Variants in FAM13A observed in about 807,000 individuals in gnomAD.
The protein encoded by FAM13A is family with sequence similarity 13 member A.
A neutral mutation model predicts 129.6 loss-of-function variants in FAM13A; 76 were observed. The ratio of observed to expected loss-of-function variants is 0.59; its 90% CI spans 0.49 to 0.71. The LOEUF is 0.71. FAM13A is among the 30% of genes least tolerant of loss of function. FAM13A has a pLI of 0.00. For synonymous variants in FAM13A, 443 were observed against 449.9 expected, an observed-to-expected ratio of 0.98 and a Z score of 0.20; for missense variants, 1,108 against 1,249.3, an observed-to-expected ratio of 0.89 and a Z score of 1.70.
intron 6 of FAM13A, among the ~76,000 whole-genome samples, chr4:88,888,409 AG>A (rs778085795): frequency 3.3e-5 from 5 of 152,152 alleles, no homozygotes; most frequent in Non-Finnish European, 7.3e-5. Flanking sequence ...GAGATTTGAA[AG>A]GCAGAGGAAA....
At chr4:88,762,111 A>C (rs1744927317) in intron 13 of FAM13A, among the ~76,000 whole-genome samples, 1 of 152,174 alleles carries the variant, frequency 6.6e-6, no homozygotes, top group Non-Finnish European at 1.5e-5. Flanking sequence ...GCCATTTGTG[A>C]AAAGAGCATT....
intron 2 of FAM13A, among the ~76,000 whole-genome samples, chr4:89,028,680 G>C (rs140430598): frequency 5.4e-4 from 82 of 150,962 alleles, no homozygotes; most frequent in African/African-American, 1.9e-3. Context: ...AACAGAGCAA[G>C]ACCCTATCTC....
At chr4:88,851,943 T>C (rs928532230) in intron 6 of FAM13A, among the ~76,000 whole-genome samples, 7 of 152,180 alleles carry the variant, frequency 4.6e-5, no homozygotes, top group African/African-American at 1.7e-4. Context: ...GTAAAAAATA[T>C]TATGCCAGAA....
intron 8 of FAM13A, among the ~76,000 whole-genome samples, chr4:88,802,320 T>C (rs1045001300): frequency 6.6e-6 from 1 of 152,212 alleles, no homozygotes; most frequent in Non-Finnish European, 1.5e-5. Context: ...TGAGCTCCTA[T>C]AACTGCAATT....
intron 1 of FAM13A, among the ~76,000 whole-genome samples, chr4:89,039,482 G>A (rs1394494255): frequency 1.3e-5 from 2 of 152,186 alleles, no homozygotes; most frequent in Non-Finnish European, 2.9e-5. Flanking sequence ...CCACACCAAT[G>A]CAAGATGATA....
chr4:88,834,588 A>G (rs1026116191), intron 7 of FAM13A, among the ~76,000 whole-genome samples: 5 of 152,208 alleles, frequency 3.3e-5, no homozygotes, highest in Admixed American at 1.3e-4. Flanking sequence ...GTAGAAAAAA[A>G]TGCATTAAAA....
At chr4:88,841,363 A>C (rs914233261) in intron 7 of FAM13A, among the ~76,000 whole-genome samples, 17 of 151,956 alleles carry the variant, frequency 1.1e-4, no homozygotes, top group African/African-American at 3.9e-4. Flanking sequence ...GCATGGTGGC[A>C]TGCGCCTGTA....
At chr4:88,854,409 A>G (rs1297178393) in intron 6 of FAM13A, among the ~76,000 whole-genome samples, 1 of 152,216 alleles carries the variant, frequency 6.6e-6, no homozygotes. Context: ...AGCCTCTCTC[A>G]TAACATGTGG....
Position 89,010,686 on chromosome 4 carries a change from T to C in FAM13A, c.427+9774A>G, listed in dbSNP as rs1026555349. 3.3e-5 allele frequency among the ~76,000 whole-genome samples: 5 copies of C among 152,190 alleles called. No individual in the cohort carries two copies. In the South Asian group the frequency reaches 1.0e-3, roughly 32 times the overall value. ...CACCTCACAAATTTCTTTCTCATTA[T>C]TAGTATGTATTCACAACCATCTGAT... On this transcript the variant is annotated intron_variant, in intron 3 of 23. Coordinates refer to ENST00000264344, the MANE Select transcript of FAM13A (RefSeq NM_014883.4).
intron 6 of FAM13A, among the ~76,000 whole-genome samples, chr4:88,861,339 C>G (rs1056747235): frequency 1.3e-5 from 2 of 149,100 alleles, no homozygotes; most frequent in Non-Finnish European, 1.5e-5. Context: ...CAAGATCATG[C>G]CACTGCACTC....
At chr4:89,046,269 T>C (rs550889950) in intron 1 of FAM13A, among the ~76,000 whole-genome samples, 2 of 151,938 alleles carry the variant, frequency 1.3e-5, no homozygotes, top group South Asian at 2.1e-4. Flanking sequence ...CCATGTAATA[T>C]GAAGAAGAAA....
At chr4:88,888,722 G>A (rs13328032) in intron 6 of FAM13A, among the ~76,000 whole-genome samples, 43,814 of 150,606 alleles carry the variant, frequency 0.29, 6,729 homozygotes, top group African/African-American at 0.39. Flanking sequence ...TCAGGAGATC[G>A]AGACCATCCT....
chr4:89,020,058 C>T (rs75192105), intron 3 of FAM13A, among the ~76,000 whole-genome samples: 7,353 of 151,982 alleles, frequency 0.048, 280 homozygotes, highest in South Asian at 0.22. Context: ...CAGGGATTTT[C>T]AATATTACGT....
chr4:89,057,100 C>A lies in FAM13A; in HGVS notation c.-136G>T. On this transcript the variant is annotated 5_prime_UTR_variant, in exon 1 of 24. Transcript: ENST00000264344. The stretch of plus-strand genomic sequence containing the variant: ...CCCAATGCAAAGGCCCCAAGGTAAG[C>A]GAAGAGCAGCTTCTAACATTTTAGG... The A allele has an allele frequency of 6.7e-7, 1 of 1,488,270 alleles. No individual in the cohort carries two copies. 92.2% of individuals were successfully genotyped at this position (1,488,270 alleles called of 1,614,324 possible).
At chr4:88,979,582 G>A (rs1761387072) in intron 4 of FAM13A, among the ~76,000 whole-genome samples, 1 of 152,104 alleles carries the variant, frequency 6.6e-6, no homozygotes, top group African/African-American at 2.4e-5. Flanking sequence ...ATAGGGTTTT[G>A]AGGATAAAAT....
intron 5 of FAM13A, among the ~76,000 whole-genome samples, chr4:88,920,138 A>G (rs1347377454): frequency 6.6e-6 from 1 of 152,194 alleles, no homozygotes; most frequent in African/African-American, 2.4e-5. Flanking sequence ...ACAAACAAAA[A>G]GACAGCAGTA....
intron 4 of FAM13A, among the ~76,000 whole-genome samples, chr4:88,964,922 C>A (rs1367819482): frequency 6.6e-6 from 1 of 151,998 alleles, no homozygotes; most frequent in Non-Finnish European, 1.5e-5. Context: ...GATACCGCGC[C>A]CGGCCCACTC....
In FAM13A at chr4:88,992,965, AT is replaced by A. The variant is rs550842786; in HGVS notation, c.428-1816del. Among the ~76,000 whole-genome samples, 560 of 152,308 alleles carry A rather than the reference AT, an allele frequency of 3.7e-3. 5 individuals carry two copies. Among genetic ancestry groups the A allele is most frequent in the African/African-American group, 0.012 (511 of 41,568 alleles). ...GGGAAATGAGATACAAAATCAGAGA[AT>A]TAATCAGTGTTACAAAGCACCTGGA... On this transcript the variant is annotated intron_variant, in intron 3 of 23. Coordinates refer to ENST00000264344, the MANE Select transcript of FAM13A (RefSeq NM_014883.4).
chr4:89,055,977 T>A (rs1429092776), intron 1 of FAM13A, among the ~76,000 whole-genome samples: 3 of 152,130 alleles, frequency 2.0e-5, no homozygotes, highest in Non-Finnish European at 4.4e-5. Context: ...CAGAATGCCA[T>A]CAGAAGCTAC....
Sources: gnomAD v4.1 joint callset for allele counts (sites outside exome capture counted in the v4.1 genomes callset) on GRCh38, gnomAD v4.1.1 for gene constraint, MANE v1.5 for transcripts, NCBI Gene and HGNC (gene_info 2026-07-23, HGNC 2026-07-21) for gene names.